PCDH11X: variants seen among roughly 807,000 people sequenced by gnomAD.
PCDH11X encodes protocadherin 11 X-linked, also known as protocadherin-11 X-linked.
Under a neutral mutation model 53.3 loss-of-function variants are expected in PCDH11X, and 18 were observed. That is an observed-to-expected ratio of 0.34 (90% CI 0.23 to 0.50). PCDH11X has a LOEUF of 0.50. Ranked by LOEUF, PCDH11X falls within the 20% of genes least tolerant of loss-of-function variation. The pLI is 0.98. For synonymous variants in PCDH11X, 279 were observed against 393.3 expected (o/e 0.71, Z 3.44); for missense variants, 570 against 1,032.4 (o/e 0.55, Z 6.14).
At position 92,088,035 on chromosome X, in the gene PCDH11X, C is replaced by G. The variant is rs970537514; in HGVS notation, c.3034-113340C>G. ...ATAAGGCCTTGATCACTTTCGTTAT[C>G]TTAAAGTCCCAATTATTTTGAGTGT... On this transcript the variant is annotated intron_variant, in intron 6 of 10. Coordinates refer to ENST00000682573, the MANE Select transcript of PCDH11X (RefSeq NM_032968.5). Among the ~76,000 whole-genome samples, 47 of 105,954 alleles carry G rather than the reference C, an allele frequency of 4.4e-4. 1 individual carries two copies. The highest frequency in any genetic ancestry group is 7.7e-4 in the Non-Finnish European group (40 of 51,716). 92.0% of individuals were successfully genotyped at this position (105,954 alleles called of 115,157 possible).
In PCDH11X at chrX:91,853,229, G is replaced by A. The variant is rs555759357; in HGVS notation, c.540+17185G>A. The stretch of plus-strand genomic sequence containing the variant: ...ATGATAAAACAGAGTAGCCTGAGGT[G>A]GTTTTCTTCTAATTTCAGGTCAGAT... On this transcript the variant is annotated intron_variant, in intron 5 of 10. Coordinates refer to ENST00000682573, the MANE Select transcript of PCDH11X (RefSeq NM_032968.5). 1.3e-3 allele frequency among the ~76,000 whole-genome samples: 145 copies of A among 111,070 alleles called. 3 individuals carry two copies. In the South Asian group the frequency reaches 0.054, roughly 41 times the overall value.
chrX:92,573,947 G>A (rs1007927352), intron 10 of PCDH11X, among the ~76,000 whole-genome samples: 17 of 110,684 alleles, frequency 1.5e-4, no homozygotes, highest in Non-Finnish European at 3.8e-5. Flanking sequence ...GGTATGATTC[G>A]TGTGCCTCAT....
intron 6 of PCDH11X, among the ~76,000 whole-genome samples, chrX:91,886,111 G>T (rs1940181685): frequency 8.9e-6 from 1 of 111,868 alleles, no homozygotes; most frequent in Non-Finnish European, 1.9e-5. Flanking sequence ...TTCCTTACTT[G>T]ATTCCTTCTT....
intron 10 of PCDH11X, among the ~76,000 whole-genome samples, chrX:92,497,125 T>C (rs908818859): frequency 5.4e-5 from 6 of 110,693 alleles, no homozygotes; most frequent in Non-Finnish European, 1.1e-4. Flanking sequence ...TGGAGATTTA[T>C]AGCCAAGGAG....
chrX:92,137,879 T>C (rs1243776001), intron 6 of PCDH11X, among the ~76,000 whole-genome samples: 2 of 110,574 alleles, frequency 1.8e-5, no homozygotes, highest in African/African-American at 3.3e-5. Flanking sequence ...CCAGGGCGCA[T>C]GAGCAGAATG....
intron 6 of PCDH11X, among the ~76,000 whole-genome samples, chrX:92,128,750 A>G (rs2064917958): frequency 9.0e-6 from 1 of 110,630 alleles, no homozygotes. Context: ...ATAATTTTTT[A>G]CAAATTAAAA....
At chrX:92,218,891 T>C (rs755575088) in intron 7 of PCDH11X, among the ~76,000 whole-genome samples, 2 of 106,424 alleles carry the variant, frequency 1.9e-5, no homozygotes, top group African/African-American at 3.4e-5. Context: ...GCTGGTTCAA[T>C]ATATGCAAAT....
rs2063483118 is a variant in PCDH11X at position 92,058,427 on chromosome X, C to A, written c.3034-142948C>A. Among the ~76,000 whole-genome samples the A allele has an allele frequency of 2.7e-5, 3 of 109,804 alleles. No homozygotes were observed. The East Asian group carries it at 8.7e-4, about 32-fold the overall frequency. ...AAAATAAAATCGAATAACAAAAAACCAATTTTTGGACTATATTTCATAAAC... is the reference window on the plus strand; with the variant it reads ...AAAATAAAATCGAATAACAAAAAACAAATTTTTGGACTATATTTCATAAAC... On this transcript the variant is annotated intron_variant, in intron 6 of 10. Coordinates refer to ENST00000682573, the MANE Select transcript of PCDH11X (RefSeq NM_032968.5).
intron 6 of PCDH11X, among the ~76,000 whole-genome samples, chrX:91,921,099 A>G (rs921018841): frequency 5.4e-5 from 6 of 111,856 alleles, no homozygotes; most frequent in African/African-American, 1.6e-4. Context: ...CCCATTTACA[A>G]CTTTGCTCCC....
At chrX:91,967,815 A>G (rs111833662) in intron 6 of PCDH11X, among the ~76,000 whole-genome samples, 1 of 112,233 alleles carries the variant, frequency 8.9e-6, no homozygotes, top group Non-Finnish European at 1.9e-5. Flanking sequence ...AGCAGGAACA[A>G]CTTAGTTGTA....
At chrX:91,905,431 G>GA (rs964908012) in intron 6 of PCDH11X, among the ~76,000 whole-genome samples, 6 of 110,917 alleles carry the variant, frequency 5.4e-5, no homozygotes, top group South Asian at 3.8e-4. Flanking sequence ...AGATAAATAA[G>GA]AAAAATATTT....
intron 8 of PCDH11X, among the ~76,000 whole-genome samples, chrX:92,302,603 G>A (rs1279493574): frequency 1.8e-5 from 2 of 111,281 alleles, no homozygotes; most frequent in African/African-American, 3.3e-5. Context: ...TTATAGCCTG[G>A]AGCTTAGTGT....
At chrX:91,964,443 C>A (rs1466240506) in intron 6 of PCDH11X, among the ~76,000 whole-genome samples, 1 of 111,031 alleles carries the variant, frequency 9.0e-6, no homozygotes, top group Non-Finnish European at 1.9e-5. Flanking sequence ...AAGGTTTTAT[C>A]CAGCTCTTCA....
chrX:91,989,056 G>A (rs1048617098), intron 6 of PCDH11X, among the ~76,000 whole-genome samples: 15 of 110,848 alleles, frequency 1.4e-4, no homozygotes, highest in African/African-American at 4.3e-4. Flanking sequence ...GGTTAGGCAG[G>A]TTTTCAAACC....
chrX:91,886,859 T>G (rs1196416755), intron 6 of PCDH11X, among the ~76,000 whole-genome samples: 3 of 105,927 alleles, frequency 2.8e-5, no homozygotes, highest in Non-Finnish European at 5.8e-5. Flanking sequence ...TAGTCCCAGC[T>G]ACTCGGGAGG....
At chrX:92,020,632 T>C (rs1332972299) in intron 6 of PCDH11X, among the ~76,000 whole-genome samples, 1 of 110,528 alleles carries the variant, frequency 9.0e-6, no homozygotes, top group African/African-American at 3.4e-5. Flanking sequence ...CTGAGAAATC[T>C]GGGCAGCCCA....
At chrX:92,613,529 T>G (rs1319136086) in intron 10 of PCDH11X, among the ~76,000 whole-genome samples, 39 of 84,475 alleles carry the variant, frequency 4.6e-4, no homozygotes, top group South Asian at 1.5e-3. Context: ...TTTAAGTTTT[T>G]TTGTTGTTGT....
At chrX:92,140,563 T>A (rs989355885) in intron 6 of PCDH11X, among the ~76,000 whole-genome samples, 2 of 111,902 alleles carry the variant, frequency 1.8e-5, no homozygotes, top group Non-Finnish European at 3.8e-5. Context: ...TTTTCCTAAC[T>A]TTGAAGTAAA....
intron 6 of PCDH11X, among the ~76,000 whole-genome samples, chrX:91,946,558 C>CAT (rs766671132): frequency 0.15 from 4,615 of 31,480 alleles, 484 homozygotes; most frequent in Non-Finnish European, 0.17. Context: ...CTGTTTCCCT[C>CAT]ATATATATAT....
Sources: gnomAD v4.1 joint callset for allele counts (sites outside exome capture counted in the v4.1 genomes callset) on GRCh38, gnomAD v4.1.1 for gene constraint, MANE v1.5 for transcripts, NCBI Gene and HGNC (gene_info 2026-07-23, HGNC 2026-07-21) for gene names.